The following LTBP2 variants were observed in gnomAD, a reference collection of about 807,000 sequenced individuals.
The protein encoded by LTBP2 is latent-transforming growth factor beta-binding protein 2.
In LTBP2, 103 loss-of-function variants were observed where a neutral mutation model predicts 210.6. That is an observed-to-expected ratio of 0.49 (90% CI 0.42 to 0.58). The LOEUF (loss-of-function observed/expected upper bound fraction) is 0.58, where lower values mean the gene tolerates loss of function less well. Ranked by LOEUF, LTBP2 falls within the 20% of genes least tolerant of loss-of-function variation. The pLI is 0.00. For synonymous variants in LTBP2, 1,007 were observed against 1,015.0 expected (o/e 0.99, Z 0.15); for missense variants, 2,313 against 2,494.5 (o/e 0.93, Z 1.55).
chr14:74,506,030 G>T lies in LTBP2; in HGVS notation c.4177+18C>A. On this transcript the variant is annotated intron_variant, in intron 28 of 35. Coordinates refer to ENST00000261978, the MANE Select transcript of LTBP2 (RefSeq NM_000428.3). The stretch of plus-strand genomic sequence containing the variant: ...AAACCTCTGAGTCACCATGGATAAT[G>T]TGTCTCCCAGGCCTCACCTCCAGCC... The T allele has an allele frequency of 6.2e-7, 1 of 1,613,920 alleles. No homozygotes were observed. Among genetic ancestry groups the T allele is most frequent in the Non-Finnish European group, 8.5e-7 (1 of 1,179,984 alleles).
intron 34 of LTBP2, among the ~76,000 whole-genome samples, chr14:74,502,376 T>C (rs2086920347): frequency 1.3e-5 from 2 of 151,484 alleles, no homozygotes; most frequent in South Asian, 4.2e-4. Context: ...AACAGCTTTC[T>C]CTCTCTCTCT....
intron 1 of LTBP2, among the ~76,000 whole-genome samples, chr14:74,604,726 G>A (rs1048514457): frequency 6.6e-6 from 1 of 151,976 alleles, no homozygotes; most frequent in Non-Finnish European, 1.5e-5. Context: ...CCTGAGCTTA[G>A]GTGATCCACC....
chr14:74,552,836 T>G, intron 5 of LTBP2, 56 bp downstream of exon 5: 1 of 1,574,948 alleles, frequency 6.3e-7, no homozygotes, highest in Non-Finnish European at 8.6e-7. Flanking sequence ...CCTGGCTCTC[T>G]GGCCATCTAC....
At chr14:74,589,453 T>C (rs554563599) in intron 2 of LTBP2, among the ~76,000 whole-genome samples, 3 of 152,336 alleles carry the variant, frequency 2.0e-5, no homozygotes, top group Admixed American at 6.5e-5. Context: ...CAGGTTTTAA[T>C]AGCATTCCAA....
Position 74,529,164 on chromosome 14 carries a change from G to T in LTBP2, c.1988-42C>A, listed in dbSNP as rs2286410. Reference sequence around the variant, plus strand: ...ACGTGGAGGTGGGCAGGTGGCCAGTGGGAGGGGAATGCGCAGCTGGGAGGG... The same window carrying T: ...ACGTGGAGGTGGGCAGGTGGCCAGTTGGAGGGGAATGCGCAGCTGGGAGGG... On this transcript the variant is annotated intron_variant, in intron 10 of 35. Transcript: ENST00000261978. 17 of 1,550,062 alleles carry T rather than the reference G, an allele frequency of 1.1e-5. No individual in the cohort carries two copies. The East Asian group carries it at 3.9e-4, about 36-fold the overall frequency.
intron 8 of LTBP2, among the ~76,000 whole-genome samples, chr14:74,542,027 C>T (rs766706283): frequency 6.6e-6 from 1 of 152,182 alleles, no homozygotes; most frequent in South Asian, 2.1e-4. Flanking sequence ...TTCAAGGAGG[C>T]CTTGCAGGGC....
At position 74,500,687 on chromosome 14, in the gene LTBP2, T is replaced by C. The variant is rs1595234586; in HGVS notation, c.*197A>G. The C allele has an allele frequency of 1.6e-5, 11 of 689,578 alleles. No individual in the cohort carries two copies. The East Asian group carries it at 3.0e-4, about 19-fold the overall frequency. 42.7% of individuals were successfully genotyped at this position (689,578 alleles called of 1,614,324 possible). A position where few individuals can be genotyped will look rare whatever the true frequency, so the allele number is the denominator to read the frequency against. ...AAGCATTAAAGCGATTGGTGGTGCTTGAGCCAAGCAAGGGCATGGAGGCAA... is the reference window on the plus strand; with the variant it reads ...AAGCATTAAAGCGATTGGTGGTGCTCGAGCCAAGCAAGGGCATGGAGGCAA... On this transcript the variant is annotated 3_prime_UTR_variant, in exon 36 of 36. Coordinates refer to ENST00000261978, the MANE Select transcript of LTBP2 (RefSeq NM_000428.3).
rs1476430070 is a variant in LTBP2 at position 74,586,658 on chromosome 14, C to T, written c.566-540G>A. ...CTGCATGGTCTTGACTTCACTGAGC[C>T]TCTATTTGCGCCTAAATCACGGGAG... On this transcript the variant is annotated intron_variant, in intron 2 of 35. Transcript: ENST00000261978. This position sits in a 1 kb window ranked among gnomAD's most constrained non-coding sequence, Gnocchi z 4.6. 6.6e-6 allele frequency among the ~76,000 whole-genome samples: 1 copy of T among 152,154 alleles called. No individual in the cohort carries two copies. The highest frequency in any genetic ancestry group is 2.4e-5 in the African/African-American group (1 of 41,432).
intron 21 of LTBP2, 97 bp from the exon 22 acceptor site, chr14:74,509,460 G>A: frequency 6.4e-7 from 1 of 1,568,952 alleles, no homozygotes. Flanking sequence ...GAGCCCCTGG[G>A]GCTTTCCTAA....
At chr14:74,609,097 A>T (rs1566659328) in intron 1 of LTBP2, among the ~76,000 whole-genome samples, 1 of 152,210 alleles carries the variant, frequency 6.6e-6, no homozygotes, top group Non-Finnish European at 1.5e-5. Flanking sequence ...TGCAGCTCAC[A>T]AGGCAATGAA....
intron 24 of LTBP2, 110 bp from the exon 25 acceptor site, chr14:74,508,205 C>G: frequency 1.5e-6 from 2 of 1,372,512 alleles, no homozygotes; most frequent in Admixed American, 1.9e-5. Flanking sequence ...CAGGGAGTGG[C>G]TTATGTAGGA....
chr14:74,525,125 TG>T lies in LTBP2; in HGVS notation c.2528del (p.Pro843GlnfsTer20). 7.5e-7 allele frequency: 1 copy of T among 1,325,346 alleles called. No homozygotes were observed. The highest frequency in any genetic ancestry group is 9.7e-7 in the Non-Finnish European group (1 of 1,027,210). 82.1% of individuals were successfully genotyped at this position (1,325,346 alleles called of 1,614,324 possible). A position where few individuals can be genotyped will look rare whatever the true frequency, so the allele number is the denominator to read the frequency against. Reference protein sequence around the residue: ...STDVLVTLSTPGIDRCAAGAT... With the variant: ...STDVLVTLSTXGIDRCAAGAT... ...CCCCAAAGGTCTGGCTGCAGCTACCTGGGGTGCTCAGGGTCACCAGCACATC... is the reference window on the plus strand; with the variant it reads ...CCCCAAAGGTCTGGCTGCAGCTACCTGGGTGCTCAGGGTCACCAGCACATC... On this transcript the variant is annotated frameshift_variant and splice_region_variant, in exon 15 of 36. Coordinates refer to ENST00000261978, the MANE Select transcript of LTBP2 (RefSeq NM_000428.3). LOFTEE classifies it high-confidence loss of function.
intron 13 of LTBP2, 91 bp downstream of exon 13, chr14:74,527,256 C>A: frequency 6.8e-7 from 1 of 1,462,402 alleles, no homozygotes. Flanking sequence ...CCTCTCCCTC[C>A]CTCATGAGAC....
In LTBP2 at chr14:74,503,734, C is replaced by T. The variant is rs537490958; in HGVS notation, c.4583-128G>A. On this transcript the variant is annotated intron_variant, in intron 31 of 35. Coordinates refer to ENST00000261978, the MANE Select transcript of LTBP2 (RefSeq NM_000428.3). Reference sequence around the variant, plus strand: ...CTGCCTCCCTCCCCTCAACCCAGCCCAGCCTGGAAGGCCCTCCTGGGGACA... The same window carrying T: ...CTGCCTCCCTCCCCTCAACCCAGCCTAGCCTGGAAGGCCCTCCTGGGGACA... 2.7e-5 allele frequency: 37 copies of T among 1,349,782 alleles called. No homozygotes were observed. The African/African-American group carries it at 9.9e-4, about 36-fold the overall frequency. 83.6% of individuals were successfully genotyped at this position (1,349,782 alleles called of 1,614,324 possible).
chr14:74,585,706 G>T, intron 3 of LTBP2, 148 bp downstream of exon 3: 1 of 1,298,910 alleles, frequency 7.7e-7, no homozygotes, highest in Non-Finnish European at 1.1e-6. Flanking sequence ...CTCTGGCCAT[G>T]CCAGGGAAAG....
chr14:74,512,845 C>G (rs532781218), intron 18 of LTBP2, among the ~76,000 whole-genome samples: 1 of 152,334 alleles, frequency 6.6e-6, no homozygotes, highest in Non-Finnish European at 1.5e-5. Flanking sequence ...TCTGTAAAGA[C>G]AGAGATGGAT....
At chr14:74,517,105 C>T (rs1256177256) in intron 17 of LTBP2, among the ~76,000 whole-genome samples, 164 bp from the exon 18 acceptor site, 2 of 152,162 alleles carry the variant, frequency 1.3e-5, no homozygotes, top group Non-Finnish European at 2.9e-5. Context: ...TGGAGGGGCT[C>T]CTGGGCCAGG....
chr14:74,566,056 G>A (rs1416024070), intron 3 of LTBP2, among the ~76,000 whole-genome samples: 1 of 150,942 alleles, frequency 6.6e-6, no homozygotes, highest in Non-Finnish European at 1.5e-5. Flanking sequence ...ACACGTGCGT[G>A]TGCCTATAGC....
At chr14:74,552,859 G>A (rs1331871994) in intron 5 of LTBP2, 33 bp downstream of exon 5, 4 of 1,600,770 alleles carry the variant, frequency 2.5e-6, no homozygotes, top group Non-Finnish European at 2.6e-6. Flanking sequence ...TCCAGGGCCA[G>A]CTGGGAACCA....
Sources: allele counts gnomAD v4.1 joint callset (sites outside exome capture counted in the v4.1 genomes callset), GRCh38; gene constraint gnomAD v4.1.1; non-coding constraint Gnocchi (gnomAD v3.1); transcripts MANE v1.5; gene names NCBI Gene and HGNC (gene_info 2026-07-23, HGNC 2026-07-21).